DRC8: variants seen among roughly 807,000 people sequenced by gnomAD.
DRC8 encodes dynein regulatory complex protein 8.
the DRC8 span, among the ~76,000 whole-genome samples, chr1:245,046,945 T>C: frequency 6.6e-6 from 1 of 152,346 alleles, no homozygotes; most frequent in Admixed American, 6.5e-5. Flanking sequence ...AGTGTGATCC[T>C]TCAGCTGGGA....
chr1:245,016,721 A>G, the DRC8 span, among the ~76,000 whole-genome samples: 1 of 152,220 alleles, frequency 6.6e-6, no homozygotes, highest in Non-Finnish European at 1.5e-5. Flanking sequence ...TATGTAAGTC[A>G]TAGTCCAAAA....
the DRC8 span, chr1:245,083,954 G>A: frequency 1.3e-5 from 4 of 316,682 alleles, no homozygotes; most frequent in Non-Finnish European, 2.3e-5. Context: ...TGCATTCAGA[G>A]CATTTCCAGA....
chr1:245,104,202 C>T, the DRC8 span, among the ~76,000 whole-genome samples: 84 of 152,292 alleles, frequency 5.5e-4, no homozygotes, highest in African/African-American at 1.9e-3. Flanking sequence ...AATGTTAACC[C>T]TTAAAGAGTA....
the DRC8 span, among the ~76,000 whole-genome samples, chr1:245,051,336 G>T: frequency 2.0e-5 from 3 of 150,572 alleles, no homozygotes; most frequent in Non-Finnish European, 4.4e-5. Context: ...AGTATGTAGT[G>T]AGTGTGATCG....
the DRC8 span, among the ~76,000 whole-genome samples, chr1:245,097,710 G>A: frequency 6.6e-6 from 1 of 152,052 alleles, no homozygotes; most frequent in Non-Finnish European, 1.5e-5. This position sits in a 1 kb window ranked among gnomAD's most constrained non-coding sequence, Gnocchi z 5.0. Context: ...AGAGTGATGG[G>A]GTACTGTCCT....
At chr1:244,983,551 C>T in the DRC8 span, among the ~76,000 whole-genome samples, 6 of 151,864 alleles carry the variant, frequency 4.0e-5, no homozygotes, top group Non-Finnish European at 7.4e-5. Flanking sequence ...ACCAGCCTGG[C>T]CATCATGGTG....
the DRC8 span, chr1:245,082,136 G>A: frequency 1.2e-6 from 2 of 1,612,890 alleles, no homozygotes; most frequent in Non-Finnish European, 1.7e-6. Context: ...TTCTTCCGGT[G>A]ATGACAGAAA....
the DRC8 span, among the ~76,000 whole-genome samples, chr1:245,041,509 A>G: frequency 4.6e-5 from 7 of 152,314 alleles, no homozygotes; most frequent in African/African-American, 1.4e-4. Flanking sequence ...GGTGCAGGCA[A>G]GAGGGAATGG....
the DRC8 span, among the ~76,000 whole-genome samples, chr1:245,105,735 T>A: frequency 1.3e-5 from 2 of 152,292 alleles, no homozygotes; most frequent in Non-Finnish European, 2.9e-5. Flanking sequence ...GCAGTTTGCT[T>A]CTTTTCTTTA....
chr1:245,101,422 G>A, the DRC8 span, among the ~76,000 whole-genome samples: 3 of 152,174 alleles, frequency 2.0e-5, no homozygotes, highest in Non-Finnish European at 4.4e-5. Flanking sequence ...GGCGGGACCA[G>A]ATTACTTTAC....
chr1:245,092,338 T>C, the DRC8 span, among the ~76,000 whole-genome samples: 3 of 152,216 alleles, frequency 2.0e-5, no homozygotes, highest in Non-Finnish European at 2.9e-5. Flanking sequence ...GGATGGAATG[T>C]GTTTAGATCT....
the DRC8 span, among the ~76,000 whole-genome samples, chr1:245,066,201 A>C: frequency 6.6e-6 from 1 of 152,130 alleles, no homozygotes; most frequent in Non-Finnish European, 1.5e-5. Flanking sequence ...CTTTACTGCA[A>C]TTTTAATAAG....
chr1:245,114,383 T>C, the DRC8 span, among the ~76,000 whole-genome samples: 1 of 151,896 alleles, frequency 6.6e-6, no homozygotes, highest in Admixed American at 6.6e-5. Flanking sequence ...AAGAATTGCT[T>C]GAAACCCGGA....
chr1:244,997,258 C>T, the DRC8 span, among the ~76,000 whole-genome samples: 2 of 152,078 alleles, frequency 1.3e-5, no homozygotes, highest in African/African-American at 4.8e-5. Context: ...TCCATAGAGT[C>T]CTTTGGAGCG....
At chr1:245,009,028 C>CTTTTTTTTTTT in the DRC8 span, among the ~76,000 whole-genome samples, 3 of 64,446 alleles carry the variant, frequency 4.7e-5, no homozygotes, top group Non-Finnish European at 7.9e-5. Context: ...TTATGCTTTT[C>CTTTTTTTTTTT]TTTTTTTTTT....
At chr1:244,979,655 TG>T in the DRC8 span, among the ~76,000 whole-genome samples, 1 of 151,700 alleles carries the variant, frequency 6.6e-6, no homozygotes, top group South Asian at 2.1e-4. Context: ...TTGGCCAGGC[TG>T]GTCTGGAACT....
the DRC8 span, among the ~76,000 whole-genome samples, chr1:244,993,974 C>T: frequency 1.3e-5 from 2 of 151,938 alleles, no homozygotes; most frequent in African/African-American, 4.8e-5. Flanking sequence ...TTTGGTATTC[C>T]TCCATAGTAA....
At chr1:245,091,613 C>T in the DRC8 span, 2 of 152,230 alleles carry the variant, frequency 1.3e-5, no homozygotes, top group Admixed American at 6.5e-5. Context: ...CATCTTGTCT[C>T]AAGGCAATCC....
At chr1:244,984,039 C>A in the DRC8 span, among the ~76,000 whole-genome samples, 2 of 151,886 alleles carry the variant, frequency 1.3e-5, no homozygotes, top group Non-Finnish European at 2.9e-5. Flanking sequence ...ACTGCAGCCT[C>A]AAACTCCTGT....
Sources: allele counts gnomAD v4.1 joint callset (sites outside exome capture counted in the v4.1 genomes callset), GRCh38; gene constraint gnomAD v4.1.1; non-coding constraint Gnocchi (gnomAD v3.1); transcripts MANE v1.5; gene names NCBI Gene and HGNC (gene_info 2026-07-23, HGNC 2026-07-21).